Variants in KLHDC7A observed in about 807,000 individuals in gnomAD.
KLHDC7A encodes the protein kelch domain-containing protein 7A.
For synonymous variants in KLHDC7A, 464 were observed against 461.0 expected (o/e 1.01, Z -0.08); for missense variants, 1,123 against 1,052.6 (o/e 1.07, Z -0.93).
In KLHDC7A at chr1:18,482,394, C is replaced by G. The variant is rs770684968; in HGVS notation, c.1413C>G (p.Ile471Met). 2.5e-6 allele frequency: 4 copies of G among 1,606,122 alleles called. No homozygotes were observed. The African/African-American group carries it at 4.0e-5, about 16-fold the overall frequency. The stretch of plus-strand genomic sequence containing the variant: ...TGCAGGTGCTGCGCAGCCCGGACAT[C>G]TACGGGTGCCTGAGCGGGGCAGAGC... The part of the protein sequence containing the change: ...NYLQVLRSPD[I>M]YGCLSGAERE... Residue 471 changes from isoleucine (I) to methionine (M), a missense_variant, in exon 1 of 1, where the codon ATC becomes ATG. Transcript: ENST00000400664.
rs765512563 is a variant in KLHDC7A at position 18,482,473 on chromosome 1, G to C, written c.1492G>C (p.Asp498His). Residue 498 changes from aspartate (D) to histidine (H), a missense_variant, in exon 1 of 1, where the codon GAC (aspartate) becomes CAC (histidine). By Grantham distance (81) the Asp-to-His change is moderately conservative. Coordinates refer to ENST00000400664, the MANE Select transcript of KLHDC7A (RefSeq NM_152375.3). ...GGGCCGCCAGTACCTGGTGGTGGCTGACGTGTGCCCCAAGGAAGACTCCGG... is the reference window on the plus strand; with the variant it reads ...GGGCCGCCAGTACCTGGTGGTGGCTCACGTGTGCCCCAAGGAAGACTCCGG... ...LRGRQYLVVA[D>H]VCPKEDSGGL... is the part of the protein sequence containing the mutation. 11 of 1,611,394 alleles carry C rather than the reference G, an allele frequency of 6.8e-6. No homozygotes were observed. Among genetic ancestry groups the C allele is most frequent in the Non-Finnish European group, 8.5e-6 (10 of 1,179,892 alleles).
In KLHDC7A at chr1:18,482,945, A is replaced by T; in HGVS notation, c.1964A>T (p.Gln655Leu). 1.9e-6 allele frequency: 3 copies of T among 1,611,958 alleles called. No individual in the cohort carries two copies. The highest frequency in any genetic ancestry group is 2.5e-6 in the Non-Finnish European group (3 of 1,179,616). Residue 655 changes from glutamine (Q) to leucine (L), a missense_variant, in exon 1 of 1, where the codon CAG becomes CTG. By Grantham distance (113) the Gln-to-Leu change is moderately radical. Transcript: ENST00000400664. ...CTGTTCCGCTTCTCTGCGCAGGAGC[A>T]GCGCTGGTGGGCCGGCCCCACCGGG... Reference protein sequence around the residue: ...FLLFRFSAQEQRWWAGPTGGS... With the variant: ...FLLFRFSAQELRWWAGPTGGS...
At position 18,482,870 on chromosome 1, in the gene KLHDC7A, C is replaced by T. The variant is rs1268509914; in HGVS notation, c.1889C>T (p.Thr630Met). ...ACGTTCGCCCTGGCGCACACGGCCACGGTGCGTGCCAAGGAAATCTTCGTC... is the reference window on the plus strand; with the variant it reads ...ACGTTCGCCCTGGCGCACACGGCCATGGTGCGTGCCAAGGAAATCTTCGTC... ...SDTFALAHTATVRAKEIFVTG... is the reference protein window; with the variant it reads ...SDTFALAHTAMVRAKEIFVTG... The change falls in exon 1 of 1, where the codon ACG becomes ATG. Residue 630 changes from threonine (T) to methionine (M), a missense_variant. Thr to Met is a moderately conservative substitution (Grantham distance 81, BLOSUM62 -1). Coordinates refer to ENST00000400664, the MANE Select transcript of KLHDC7A (RefSeq NM_152375.3). 6.2e-7 allele frequency: 1 copy of T among 1,611,720 alleles called. No individual in the cohort carries two copies. Among genetic ancestry groups the T allele is most frequent in the Non-Finnish European group, 8.5e-7 (1 of 1,179,688 alleles).
In KLHDC7A at chr1:18,483,276, G is replaced by C. The variant is rs2086911956; in HGVS notation, c.2295G>C (p.Leu765=). 1 of 1,613,506 alleles carries C rather than the reference G, an allele frequency of 6.2e-7. No individual in the cohort carries two copies. The highest frequency in any genetic ancestry group is 8.5e-7 in the Non-Finnish European group (1 of 1,179,982). ...AGGGCACCCTCCTGCCCACCGTCCT[G>C]ACCTTGCCCACCCCCGATTTGCCTC... The part of the protein sequence containing the change: ...APQGTLLPTV[L]TLPTPDLPQT... The change falls in exon 1 of 1, where the codon CTG becomes CTC. Residue 765 remains leucine, a synonymous_variant. Transcript: ENST00000400664.
Position 18,483,633 on chromosome 1 carries a change from A to T in KLHDC7A, c.*318A>T. 7.9e-7 allele frequency: 1 copy of T among 1,272,794 alleles called. No individual in the cohort carries two copies. Among genetic ancestry groups the T allele is most frequent in the South Asian group, 1.7e-5 (1 of 57,228 alleles). The allele number at this position is 1,272,794 out of a possible 1,614,324, so 78.8% of individuals were successfully genotyped here. On this transcript the variant is annotated 3_prime_UTR_variant, in exon 1 of 1. Transcript: ENST00000400664. ...TGGGGGGATACACCGGGACCCCACC[A>T]AAGCTTAGGGGGCATAGTCTTTTTG...
Position 18,482,306 on chromosome 1 carries a change from C to G in KLHDC7A, c.1325C>G (p.Ala442Gly). 6.2e-7 allele frequency: 1 copy of G among 1,602,206 alleles called. No individual in the cohort carries two copies. Among genetic ancestry groups the G allele is most frequent in the African/African-American group, 1.3e-5 (1 of 75,066 alleles). The change falls in exon 1 of 1, where the codon GCC becomes GGC. Residue 442 changes from alanine to glycine, a missense_variant. Physicochemically the swap from Ala to Gly is moderately conservative, Grantham distance 60. Coordinates refer to ENST00000400664, the MANE Select transcript of KLHDC7A (RefSeq NM_152375.3). ...LGNCYEVLTL[A>G]KRQNLEALKE... ...AATTGCTATGAGGTGCTGACCTTGGCCAAGAGGCAGAACCTGGAGGCCCTG... is the reference window on the plus strand; with the variant it reads ...AATTGCTATGAGGTGCTGACCTTGGGCAAGAGGCAGAACCTGGAGGCCCTG...
Position 18,482,995 on chromosome 1 carries a change from A to T in KLHDC7A, c.2014A>T (p.Met672Leu), listed in dbSNP as rs1044758565. The change falls in exon 1 of 1, where the codon ATG becomes TTG. Residue 672 changes from methionine (M) to leucine (L), a missense_variant. Transcript: ENST00000400664. ...TGGSKDRTAEMVAVNGFLYRF... is the reference protein window; with the variant it reads ...TGGSKDRTAELVAVNGFLYRF... The stretch of plus-strand genomic sequence containing the variant: ...GGGCAGCAAGGACCGCACGGCCGAG[A>T]TGGTGGCGGTCAACGGCTTTCTCTA... The T allele has an allele frequency of 1.9e-6, 3 of 1,613,046 alleles. No homozygotes were observed. Among genetic ancestry groups the T allele is most frequent in the Admixed American group, 1.7e-5 (1 of 59,994 alleles).
Position 18,482,734 on chromosome 1 carries a change from G to A in KLHDC7A, c.1753G>A (p.Val585Met). ...LNQARPHCRLVALDGHLYAIG... is the reference protein window; with the variant it reads ...LNQARPHCRLMALDGHLYAIG... ...CCAGGCCCGGCCGCACTGCCGGCTG[G>A]TGGCCCTGGACGGGCACCTGTATGC... Residue 585 changes from valine to methionine, a missense_variant, in exon 1 of 1, where the codon GTG becomes ATG. Physicochemically the swap from Val to Met is conservative, Grantham distance 21. Transcript: ENST00000400664. The A allele has an allele frequency of 6.2e-7, 1 of 1,610,598 alleles. No individual in the cohort carries two copies. The highest frequency in any genetic ancestry group is 8.5e-7 in the Non-Finnish European group (1 of 1,179,330).
chr1:18,481,867 T>TC lies in KLHDC7A; in HGVS notation c.887dup (p.Thr297TyrfsTer19). ...CAAGGTGTACGACTACTATGTGGAA[T>TC]CTACCTCTCAGGCCATCTTCCAGGG... On this transcript the variant is annotated frameshift_variant, in exon 1 of 1. Coordinates refer to ENST00000400664, the MANE Select transcript of KLHDC7A (RefSeq NM_152375.3). LOFTEE classifies it low-confidence loss of function (END_TRUNC). The TC allele has an allele frequency of 6.2e-7, 1 of 1,613,890 alleles. No homozygotes were observed. Among genetic ancestry groups the TC allele is most frequent in the African/African-American group, 1.3e-5 (1 of 75,048 alleles).
Position 18,485,352 on chromosome 1 carries a change from G to A in KLHDC7A, c.*2037G>A, listed in dbSNP as rs2086926185. ...AAGCCCATTGCATACCTGTGGTAGA[G>A]ACTAGGGGAGTGATTCCAGGGATAA... On this transcript the variant is annotated 3_prime_UTR_variant, in exon 1 of 1. Transcript: ENST00000400664. 1 of 166,488 alleles carries A rather than the reference G, an allele frequency of 6.0e-6. No homozygotes were observed. Among genetic ancestry groups the A allele is most frequent in the Admixed American group, 6.6e-5 (1 of 15,176 alleles). 10.3% of individuals were successfully genotyped at this position (166,488 alleles called of 1,614,324 possible). A position where few individuals can be genotyped will look rare whatever the true frequency, so the allele number is the denominator to read the frequency against.
chr1:18,483,583 C>G lies in KLHDC7A; in HGVS notation c.*268C>G. 7.3e-7 allele frequency: 1 copy of G among 1,364,908 alleles called. No homozygotes were observed. The highest frequency in any genetic ancestry group is 9.5e-7 in the Non-Finnish European group (1 of 1,049,050). The allele number at this position is 1,364,908 out of a possible 1,614,324, so 84.5% of individuals were successfully genotyped here. A position where few individuals can be genotyped will look rare whatever the true frequency, so the allele number is the denominator to read the frequency against. ...AGGCATTCATGTCTTCAGGGATGACCGCCCTTGCTTCAACTCTGAATTCTT... is the reference window on the plus strand; with the variant it reads ...AGGCATTCATGTCTTCAGGGATGACGGCCCTTGCTTCAACTCTGAATTCTT... On this transcript the variant is annotated 3_prime_UTR_variant, in exon 1 of 1. Transcript: ENST00000400664.
chr1:18,481,402 C>A lies in KLHDC7A; in HGVS notation c.421C>A (p.Pro141Thr). The A allele has an allele frequency of 1.9e-6, 3 of 1,613,482 alleles. No individual in the cohort carries two copies. The highest frequency in any genetic ancestry group is 2.5e-6 in the Non-Finnish European group (3 of 1,179,810). ...SDSEQVPPCC[P>T]SQETRTAVGS... ...CTCTGAGCAGGTGCCTCCTTGCTGCCCCAGCCAGGAAACCAGAACAGCTGT... is the reference window on the plus strand; with the variant it reads ...CTCTGAGCAGGTGCCTCCTTGCTGCACCAGCCAGGAAACCAGAACAGCTGT... The change falls in exon 1 of 1, where the codon CCC becomes ACC. Residue 141 changes from proline to threonine, a missense_variant. Coordinates refer to ENST00000400664, the MANE Select transcript of KLHDC7A (RefSeq NM_152375.3).
In KLHDC7A at chr1:18,483,834, G is replaced by T; in HGVS notation, c.*519G>T. ...TGGGAAAGATGGAGGCAGGTGACTT[G>T]GGCAGGGCCAGGAAGGAGCCGAGGG... On this transcript the variant is annotated 3_prime_UTR_variant, in exon 1 of 1. Transcript: ENST00000400664. 8.1e-7 allele frequency: 1 copy of T among 1,232,264 alleles called. No individual in the cohort carries two copies. Among genetic ancestry groups the T allele is most frequent in the Non-Finnish European group, 1.0e-6 (1 of 957,040 alleles). 76.3% of individuals were successfully genotyped at this position (1,232,264 alleles called of 1,614,324 possible).
In KLHDC7A at chr1:18,483,051, C is replaced by A. The variant is rs80110591; in HGVS notation, c.2070C>A (p.Ile690=). The change falls in exon 1 of 1, where the codon ATC becomes ATA. Residue 690 remains isoleucine, a synonymous_variant. Coordinates refer to ENST00000400664, the MANE Select transcript of KLHDC7A (RefSeq NM_152375.3). ...TTGACCTCAACCGCAGCCTGGGCAT[C>A]GCCGTGTACCGCTGCAGCGCCAGCA... is the stretch of plus-strand genomic sequence containing the variant. ...YRFDLNRSLG[I]AVYRCSASTR... is the part of the protein sequence containing the mutation. The A allele has an allele frequency of 3.8e-4, 614 of 1,613,616 alleles. 5 individuals are homozygous for A. In the African/African-American group the frequency reaches 7.5e-3, roughly 20 times the overall value.
In KLHDC7A at chr1:18,483,714, A is replaced by G; in HGVS notation, c.*399A>G. On this transcript the variant is annotated 3_prime_UTR_variant, in exon 1 of 1. Transcript: ENST00000400664. ...AGCAGCCCCTCGCTAGTTGCTCTGG[A>G]GAGGGGTTGGCTCTCTGAGCCATCA... The G allele has an allele frequency of 8.4e-7, 1 of 1,194,874 alleles. No homozygotes were observed. Among genetic ancestry groups the G allele is most frequent in the South Asian group, 1.7e-5 (1 of 58,832 alleles). The allele number at this position is 1,194,874 out of a possible 1,614,324, so 74.0% of individuals were successfully genotyped here.
In KLHDC7A at chr1:18,481,989, C is replaced by G. The variant is rs202167464; in HGVS notation, c.1008C>G (p.Ala336=). 18 of 1,612,850 alleles carry G rather than the reference C, an allele frequency of 1.1e-5. No individual in the cohort carries two copies. In the East Asian group the frequency reaches 3.1e-4, roughly 28 times the overall value. The change falls in exon 1 of 1, where the codon GCC becomes GCG. Residue 336 remains alanine, a synonymous_variant. Coordinates refer to ENST00000400664, the MANE Select transcript of KLHDC7A (RefSeq NM_152375.3). ...LGTGAASGGQ[A]GDTKGAAERA... ...CAGGGGCTGCCTCGGGAGGCCAAGCCGGTGACACAAAGGGTGCAGCCGAAA... is the reference window on the plus strand; with the variant it reads ...CAGGGGCTGCCTCGGGAGGCCAAGCGGGTGACACAAAGGGTGCAGCCGAAA...
chr1:18,481,939 A>C lies in KLHDC7A; in HGVS notation c.958A>C (p.Arg320=). The C allele has an allele frequency of 1.2e-6, 2 of 1,613,248 alleles. No individual in the cohort carries two copies. Among genetic ancestry groups the C allele is most frequent in the Non-Finnish European group, 1.7e-6 (2 of 1,179,980 alleles). Residue 320 remains arginine, a synonymous_variant, in exon 1 of 1, where the codon AGG becomes CGG. Coordinates refer to ENST00000400664, the MANE Select transcript of KLHDC7A (RefSeq NM_152375.3). Reference sequence around the variant, plus strand: ...AGCCCTGACTGAGGTTCCATCCCCTAGGCCACCGCCAGGGTCCCTGGGAAC... The same window carrying C: ...AGCCCTGACTGAGGTTCCATCCCCTCGGCCACCGCCAGGGTCCCTGGGAAC... ...TAALTEVPSP[R]PPPGSLGTGA...
Position 18,481,868 on chromosome 1 carries a change from C to T in KLHDC7A, c.887C>T (p.Ser296Phe). The change falls in exon 1 of 1, where the codon TCT (serine) becomes TTT (phenylalanine). Residue 296 changes from serine to phenylalanine, a missense_variant. Transcript: ENST00000400664. ...KGKVYDYYVESTSQAIFQGRL... is the reference protein window; with the variant it reads ...KGKVYDYYVEFTSQAIFQGRL... ...AAGGTGTACGACTACTATGTGGAATCTACCTCTCAGGCCATCTTCCAGGGC... is the reference window on the plus strand; with the variant it reads ...AAGGTGTACGACTACTATGTGGAATTTACCTCTCAGGCCATCTTCCAGGGC... 6.2e-7 allele frequency: 1 copy of T among 1,613,910 alleles called. No individual in the cohort carries two copies. Among genetic ancestry groups the T allele is most frequent in the South Asian group, 1.1e-5 (1 of 91,064 alleles).
In KLHDC7A at chr1:18,483,279, C is replaced by T. The variant is rs370049950; in HGVS notation, c.2298C>T (p.Thr766=). The T allele has an allele frequency of 6.2e-7, 1 of 1,613,656 alleles. No individual in the cohort carries two copies. Among genetic ancestry groups the T allele is most frequent in the Non-Finnish European group, 8.5e-7 (1 of 1,179,980 alleles). Residue 766 remains threonine, a synonymous_variant, in exon 1 of 1, where the codon ACC becomes ACT. Coordinates refer to ENST00000400664, the MANE Select transcript of KLHDC7A (RefSeq NM_152375.3). ...PQGTLLPTVL[T]LPTPDLPQTR... is the part of the protein sequence containing the mutation. ...GCACCCTCCTGCCCACCGTCCTGAC[C>T]TTGCCCACCCCCGATTTGCCTCAGA...
Sources: allele counts gnomAD v4.1 joint callset, GRCh38; gene constraint gnomAD v4.1.1; transcripts MANE v1.5; gene names NCBI Gene and HGNC (gene_info 2026-07-23, HGNC 2026-07-21).